IFI16: variants seen among roughly 807,000 people sequenced by gnomAD.
The protein encoded by IFI16 is interferon gamma inducible protein 16, also known as gamma-interferon-inducible protein 16.
IFI16 carries 49 observed loss-of-function variants against 68.4 expected under a neutral mutation model. The observed-to-expected ratio is 0.72, with a 90% confidence interval of 0.57 to 0.91. The LOEUF (loss-of-function observed/expected upper bound fraction) is 0.91. Ranked by LOEUF, IFI16 falls within the 40% of genes least tolerant of loss-of-function variation. IFI16 has a pLI of 0.00. For missense variants in IFI16, 878 were observed against 942.9 expected (o/e 0.93, Z 0.90); for synonymous variants, 307 against 315.0 (o/e 0.97, Z 0.27).
At chr1:159,005,064 C>T (rs192908636), upstream of IFI16, among the ~76,000 whole-genome samples, 22 of 152,238 alleles carry the variant, frequency 1.4e-4, no homozygotes, top group African/African-American at 4.8e-4. Context: ...ATTTCACTCA[C>T]GTAAATAGAC....
In IFI16 at chr1:159,020,454, C is replaced by A; in HGVS notation, c.1086C>A (p.Leu362=). The A allele has an allele frequency of 1.2e-6, 2 of 1,613,028 alleles. No homozygotes were observed. The highest frequency in any genetic ancestry group is 1.7e-6 in the Non-Finnish European group (2 of 1,179,200). The part of the protein sequence containing the change: ...HNIPCEEGDK[L]QLFCFRLRKK... The stretch of plus-strand genomic sequence containing the variant: ...TCCCCTGTGAAGAAGGAGATAAGCT[C>A]CAACTTTTCTGCTTTCGACTTAGAA... Residue 362 remains leucine (L), a synonymous_variant, in exon 6 of 12, where the codon CTC becomes CTA. Transcript: ENST00000295809.
chr1:159,052,126 T>C, intron 10 of IFI16, 28 bp downstream of exon 10: 1 of 1,554,538 alleles, frequency 6.4e-7, no homozygotes, highest in East Asian at 2.3e-5. Flanking sequence ...TTTTATAAAA[T>C]TTCTCCTGCA....
chr1:159,033,526 C>T (rs1363034721), intron 7 of IFI16, among the ~76,000 whole-genome samples: 3 of 152,188 alleles, frequency 2.0e-5, no homozygotes, highest in African/African-American at 4.8e-5. Flanking sequence ...TACGTTATCT[C>T]ATTCTTTCTT....
upstream of IFI16, among the ~76,000 whole-genome samples, chr1:159,008,515 GACA>G (rs1001836741): frequency 6.6e-6 from 1 of 152,132 alleles, no homozygotes; most frequent in African/African-American, 2.4e-5. Flanking sequence ...CCCAATTGAG[GACA>G]TTACTGCATA....
At position 159,047,053 on chromosome 1, in the gene IFI16, C is replaced by G. The variant is rs192383346; in HGVS notation, c.1497+1589C>G. Among the ~76,000 whole-genome samples the G allele has an allele frequency of 3.0e-3, 448 of 150,396 alleles. 8 individuals carry two copies. Among genetic ancestry groups the G allele is most frequent in the African/African-American group, 9.9e-3 (404 of 40,618 alleles). On this transcript the variant is annotated intron_variant, in intron 8 of 11. Transcript: ENST00000295809. ...CAATCCAGCGCTATGGGGCCTACACCCAAGACGAATGGGCAGGGAAGGTAT... is the reference window on the plus strand; with the variant it reads ...CAATCCAGCGCTATGGGGCCTACACGCAAGACGAATGGGCAGGGAAGGTAT...
In IFI16 at chr1:159,032,541, C is replaced by A; in HGVS notation, c.1179C>A (p.Asn393Lys). The change falls in exon 7 of 12, where the codon AAC becomes AAA. Residue 393 changes from asparagine to lysine, a missense_variant. By Grantham distance (94) the Asn-to-Lys change is moderately conservative. Around this residue, in one of 4 missense-constraint regions of IFI16, gnomAD observed 443 missense variants for 421.8 expected, o/e 1.05. Coordinates refer to ENST00000295809, the MANE Select transcript of IFI16 (RefSeq NM_001376587.1). ...ACTTTCAGATAAAGAAAAAAACAAA[C>A]CCGAGAAACAATGACCCCAAGAGCA... Reference protein sequence around the residue: ...HSFIQIKKKTNPRNNDPKSMK... With the variant: ...HSFIQIKKKTKPRNNDPKSMK... The A allele has an allele frequency of 1.3e-6, 2 of 1,581,310 alleles. No individual in the cohort carries two copies. The highest frequency in any genetic ancestry group is 1.2e-5 in the South Asian group (1 of 85,810).
chr1:159,041,365 A>G (rs929812674), intron 7 of IFI16, among the ~76,000 whole-genome samples: 3 of 152,188 alleles, frequency 2.0e-5, no homozygotes, highest in Non-Finnish European at 4.4e-5. Context: ...AGTTTGCCTC[A>G]TATAGACAGC....
chr1:159,020,942 A>G (rs1385087672), intron 6 of IFI16, among the ~76,000 whole-genome samples: 1 of 152,106 alleles, frequency 6.6e-6, no homozygotes, highest in African/African-American at 2.4e-5. Flanking sequence ...CTAATTTGAA[A>G]CTTAAAATTA....
At chr1:159,031,444 T>C (rs1347190738) in intron 6 of IFI16, among the ~76,000 whole-genome samples, 1 of 152,244 alleles carries the variant, frequency 6.6e-6, no homozygotes, top group Non-Finnish European at 1.5e-5. Flanking sequence ...GCAGCCCTCC[T>C]GAAGGACCTT....
intron 7 of IFI16, among the ~76,000 whole-genome samples, chr1:159,040,585 A>G (rs1193819006): frequency 6.6e-6 from 1 of 152,260 alleles, no homozygotes. Context: ...ATACTTAAAT[A>G]GAGAAACATT....
rs377046298 is a variant in IFI16 at position 159,018,500 on chromosome 1, A to G, written c.821A>G (p.Asn274Ser). The part of the protein sequence containing the change: ...YLEYDSLLEV[N>S]EESTVSEAGP... ...GAATATGATAGTCTCCTAGAGGTCAATGAAGAATCTACTGTATCTGAAGCT... is the reference window on the plus strand; with the variant it reads ...GAATATGATAGTCTCCTAGAGGTCAGTGAAGAATCTACTGTATCTGAAGCT... The change falls in exon 5 of 12, where the codon AAT (asparagine) becomes AGT (serine). Residue 274 changes from asparagine to serine, a missense_variant. By Grantham distance (46) the Asn-to-Ser change is conservative (BLOSUM62 1). Transcript: ENST00000295809. 17 of 1,613,988 alleles carry G rather than the reference A, an allele frequency of 1.1e-5. No homozygotes were observed. The highest frequency in any genetic ancestry group is 4.4e-5 in the South Asian group (4 of 91,088).
chr1:159,034,967 A>C (rs1654234413), intron 7 of IFI16, among the ~76,000 whole-genome samples: 1 of 152,152 alleles, frequency 6.6e-6, no homozygotes, highest in Non-Finnish European at 1.5e-5. Context: ...ACCTGCACTG[A>C]GGGTTCGGAA....
chr1:159,039,334 T>C (rs1189806757), intron 7 of IFI16, among the ~76,000 whole-genome samples: 1 of 152,042 alleles, frequency 6.6e-6, no homozygotes, highest in Non-Finnish European at 1.5e-5. Flanking sequence ...GATACAGACA[T>C]GGATACATTA....
rs141243308 is a variant in IFI16, at chr1:159,032,383, G to A, written c.1162-141G>A. The stretch of plus-strand genomic sequence containing the variant: ...AAAAAAATATTCTGACAATTGCCTG[G>A]AGGGATACATTAGAGAGAGACCATG... On this transcript the variant is annotated intron_variant, in intron 6 of 11. Transcript: ENST00000295809. 300 of 467,098 alleles carry A rather than the reference G, an allele frequency of 6.4e-4. 3 individuals carry two copies. The Admixed American group carries it at 0.012, about 19-fold the overall frequency. The allele number at this position is 467,098 out of a possible 1,614,324, so 28.9% of individuals were successfully genotyped here. A position where few individuals can be genotyped will look rare whatever the true frequency, so the allele number is the denominator to read the frequency against.
At chr1:159,002,983 C>G (rs574994060), upstream of IFI16, among the ~76,000 whole-genome samples, 15 of 152,326 alleles carry the variant, frequency 9.8e-5, no homozygotes, top group African/African-American at 3.6e-4. Context: ...AAATTATAAT[C>G]AAACCATATC....
chr1:159,035,526 AG>A, intron 7 of IFI16, among the ~76,000 whole-genome samples: 1 of 152,342 alleles, frequency 6.6e-6, no homozygotes, highest in East Asian at 1.9e-4. Context: ...GAATCCCAGG[AG>A]GATTATATGC....
chr1:159,019,579 T>C (rs948452433), intron 5 of IFI16, among the ~76,000 whole-genome samples: 1 of 151,956 alleles, frequency 6.6e-6, no homozygotes, highest in African/African-American at 2.4e-5. Flanking sequence ...CTGCCTCAGC[T>C]TCCCAAGTAG....
chr1:159,031,115 G>T (rs1477098769), intron 6 of IFI16, among the ~76,000 whole-genome samples: 1 of 152,114 alleles, frequency 6.6e-6, no homozygotes, highest in Non-Finnish European at 1.5e-5. Flanking sequence ...GCAAGTTGGG[G>T]AAAGCTGGTA....
Position 159,052,024 on chromosome 1 carries a change from G to GT in IFI16, c.2012dup (p.Thr672AsnfsTer3). On this transcript the variant is annotated frameshift_variant, in exon 10 of 12. Coordinates refer to ENST00000295809, the MANE Select transcript of IFI16 (RefSeq NM_001376587.1). LOFTEE classifies it high-confidence loss of function. Reference sequence around the variant, plus strand: ...AAAAGGATTGATTAGAAGTGCCAGCGTAACTCCTAAAATCAATCAGCTTTG... The same window carrying GT: ...AAAAGGATTGATTAGAAGTGCCAGCGTTAACTCCTAAAATCAATCAGCTTTG... The GT allele has an allele frequency of 6.2e-7, 1 of 1,613,980 alleles. No individual in the cohort carries two copies. The highest frequency in any genetic ancestry group is 8.5e-7 in the Non-Finnish European group (1 of 1,179,946).
Sources: gnomAD v4.1 joint callset for allele counts (sites outside exome capture counted in the v4.1 genomes callset) on GRCh38, gnomAD v4.1.1 for gene constraint, gnomAD v4.1.1 regional missense constraint, MANE v1.5 for transcripts, NCBI Gene and HGNC (gene_info 2026-07-23, HGNC 2026-07-21) for gene names.